The following PCDH15 variants were observed in gnomAD, a reference collection of about 807,000 sequenced individuals.
PCDH15 encodes the protein protocadherin-15.
In PCDH15, 129 loss-of-function variants were observed where a neutral mutation model predicts 178.5. The observed-to-expected ratio is 0.72, with a 90% CI of 0.63 to 0.84. The LOEUF (loss-of-function observed/expected upper bound fraction) is 0.84. PCDH15 is among the 40% of genes least tolerant of loss of function. The pLI is 0.00. For synonymous variants in PCDH15, 800 were observed against 732.0 expected, an observed-to-expected ratio of 1.09 and a Z score of -1.50; for missense variants, 2,230 against 2,099.9, an observed-to-expected ratio of 1.06 and a Z score of -1.21.
At chr10:54,478,058 A>G (rs2078411732) in intron 3 of PCDH15, among the ~76,000 whole-genome samples, 1 of 152,112 alleles carries the variant, frequency 6.6e-6, no homozygotes. Flanking sequence ...GGTCAAGTTC[A>G]AAGGGCCCAA....
intron 6 of PCDH15, among the ~76,000 whole-genome samples, chr10:54,335,306 T>G (rs1940846620): frequency 6.6e-6 from 1 of 152,170 alleles, no homozygotes; most frequent in African/African-American, 2.4e-5. Flanking sequence ...CTAACTGAAG[T>G]AAGTTAAAAC....
At chr10:54,032,120 C>A (rs1018377446) in intron 18 of PCDH15, among the ~76,000 whole-genome samples, 1 of 151,570 alleles carries the variant, frequency 6.6e-6, no homozygotes, top group Non-Finnish European at 1.5e-5. Flanking sequence ...TCTCTGTGGG[C>A]GAACATATTC....
intron 2 of PCDH15, among the ~76,000 whole-genome samples, chr10:54,996,878 A>C (rs1839658675): frequency 6.6e-6 from 1 of 152,068 alleles, no homozygotes; most frequent in Non-Finnish European, 1.5e-5. Flanking sequence ...TGGGAGCCCA[A>C]GGTAGGTGGA....
intron 2 of PCDH15, among the ~76,000 whole-genome samples, chr10:54,584,892 TAAAAC>T (rs764221712): frequency 9.9e-5 from 15 of 152,028 alleles, no homozygotes; most frequent in Non-Finnish European, 1.8e-4. Flanking sequence ...TTTCAATTAA[TAAAAC>T]AAAACAAGGA....
chr10:55,056,799 A>AT (rs1241637766), intron 2 of PCDH15, among the ~76,000 whole-genome samples: 4 of 151,286 alleles, frequency 2.6e-5, no homozygotes, highest in Non-Finnish European at 5.9e-5. Flanking sequence ...TGCCCAGCTA[A>AT]TTTTTTGTAT....
chr10:54,493,085 C>T (rs567113507), intron 3 of PCDH15, among the ~76,000 whole-genome samples: 1 of 152,254 alleles, frequency 6.6e-6, no homozygotes, highest in East Asian at 1.9e-4. Flanking sequence ...AAGACTTGCC[C>T]TCATGATTCA....
At chr10:55,485,648 A>T (rs1333412689) in intron 2 of PCDH15, among the ~76,000 whole-genome samples, 1 of 151,620 alleles carries the variant, frequency 6.6e-6, no homozygotes, top group East Asian at 1.9e-4. Context: ...TGCTGTATAT[A>T]TATGCCAAGG....
chr10:55,212,347 C>G (rs566895525), intron 1 of PCDH15, among the ~76,000 whole-genome samples: 3 of 151,962 alleles, frequency 2.0e-5, no homozygotes, highest in Non-Finnish European at 4.4e-5. Flanking sequence ...TACTGCAGAT[C>G]CAGTAACCCA....
chr10:54,120,551 GAAGTA>G (rs754391702), intron 15 of PCDH15, among the ~76,000 whole-genome samples: 1 of 152,106 alleles, frequency 6.6e-6, no homozygotes, highest in African/African-American at 2.4e-5. Flanking sequence ...AATGATACAT[GAAGTA>G]AAGTAATGAT....
intron 2 of PCDH15, among the ~76,000 whole-genome samples, chr10:55,538,278 C>T (rs186156281): frequency 9.9e-4 from 151 of 152,282 alleles, no homozygotes; most frequent in Middle Eastern, 6.8e-3. Context: ...TAAATATTCA[C>T]TATACATTTA....
At chr10:54,876,780 T>C (rs1041013695) in intron 3 of PCDH15, among the ~76,000 whole-genome samples, 1 of 152,188 alleles carries the variant, frequency 6.6e-6, no homozygotes, top group African/African-American at 2.4e-5. Flanking sequence ...TTTCCTGAGA[T>C]GGAAAATACT....
chr10:55,369,708 C>A (rs1222599255), intron 2 of PCDH15, among the ~76,000 whole-genome samples: 1 of 151,998 alleles, frequency 6.6e-6, no homozygotes. Flanking sequence ...ACTTCTTCCA[C>A]AGGCATGTGA....
chr10:55,259,471 C>T (rs1037840047), intron 1 of PCDH15, among the ~76,000 whole-genome samples: 7 of 152,016 alleles, frequency 4.6e-5, no homozygotes, highest in South Asian at 2.1e-4. Context: ...TAAGATGATC[C>T]GAAAGGCAAT....
At chr10:55,210,559 G>A (rs1286240029) in intron 1 of PCDH15, among the ~76,000 whole-genome samples, 1 of 145,454 alleles carries the variant, frequency 6.9e-6, no homozygotes, top group African/African-American at 2.5e-5. Flanking sequence ...GGAATTTTGC[G>A]GGGGGAAAAA....
chr10:54,912,719 T>C (rs1253193653), intron 2 of PCDH15, among the ~76,000 whole-genome samples: 1 of 152,080 alleles, frequency 6.6e-6, no homozygotes, highest in Non-Finnish European at 1.5e-5. Context: ...AATTGGGTAA[T>C]GGGCAAGGTT....
intron 2 of PCDH15, among the ~76,000 whole-genome samples, chr10:54,936,656 C>CT (rs1203883969): frequency 1.3e-5 from 2 of 149,866 alleles, no homozygotes; most frequent in African/African-American, 4.9e-5. Context: ...TCCATGTTTT[C>CT]TTTAGCCATT....
At chr10:54,943,187 A>G (rs1007516807) in intron 2 of PCDH15, among the ~76,000 whole-genome samples, 1 of 151,958 alleles carries the variant, frequency 6.6e-6, no homozygotes, top group Non-Finnish European at 1.5e-5. Flanking sequence ...CTTTCTTTCT[A>G]GAGACTCTAG....
intron 2 of PCDH15, among the ~76,000 whole-genome samples, chr10:54,902,172 G>C (rs374023136): frequency 8.5e-4 from 130 of 152,140 alleles, no homozygotes; most frequent in African/African-American, 3.1e-3. Context: ...TAAGTTGTTG[G>C]ACTTAATCAA....
chr10:54,487,887 A>G (rs1047753937), intron 3 of PCDH15, among the ~76,000 whole-genome samples: 1 of 151,944 alleles, frequency 6.6e-6, no homozygotes, highest in African/African-American at 2.4e-5. Context: ...ATAAAAATGC[A>G]TATATACACA....
Sources: allele counts gnomAD v4.1 joint callset (sites outside exome capture counted in the v4.1 genomes callset), GRCh38; gene constraint gnomAD v4.1.1; transcripts MANE v1.5; gene names NCBI Gene and HGNC (gene_info 2026-07-23, HGNC 2026-07-21).